TSNAX: variants seen among roughly 807,000 people sequenced by gnomAD.
TSNAX encodes translin-associated protein X.
In TSNAX, 12 loss-of-function variants were observed where a neutral mutation model predicts 33.0. The ratio of observed to expected loss-of-function variants is 0.36; its 90% CI spans 0.23 to 0.59. TSNAX has a LOEUF of 0.59. TSNAX is among the 20% of genes least tolerant of loss of function. TSNAX has a pLI of 0.74. For missense variants in TSNAX, 267 were observed against 341.3 expected, an observed-to-expected ratio of 0.78 and a Z score of 1.72; for synonymous variants, 110 against 117.2, an observed-to-expected ratio of 0.94 and a Z score of 0.40.
At chr1:231,539,598 A>G (rs886261787) in intron 3 of TSNAX, among the ~76,000 whole-genome samples, 2 of 152,210 alleles carry the variant, frequency 1.3e-5, no homozygotes, top group African/African-American at 2.4e-5. Context: ...TTTTCCACCA[A>G]AAAATAAATG....
intron 4 of TSNAX, among the ~76,000 whole-genome samples, chr1:231,549,158 A>G (rs1294398151): frequency 6.6e-6 from 1 of 152,142 alleles, no homozygotes; most frequent in African/African-American, 2.4e-5. Context: ...GAGACTGGAG[A>G]TTTAAGAATG....
At chr1:231,542,673 G>T in intron 4 of TSNAX, 62 bp downstream of exon 4, 2 of 1,522,190 alleles carry the variant, frequency 1.3e-6, no homozygotes, top group Non-Finnish European at 8.9e-7. Flanking sequence ...TGATTAACAT[G>T]TGAGTTGCAT....
In TSNAX at chr1:231,528,716, G is replaced by C; in HGVS notation, c.-95G>C. 6.7e-7 allele frequency: 1 copy of C among 1,484,334 alleles called. No individual in the cohort carries two copies. Among genetic ancestry groups the C allele is most frequent in the Non-Finnish European group, 9.4e-7 (1 of 1,067,582 alleles). The allele number at this position is 1,484,334 out of a possible 1,614,324, so 91.9% of individuals were successfully genotyped here. The stretch of plus-strand genomic sequence containing the variant: ...CCCGGCTGCAAAGCGTTTTTCTGCA[G>C]GCTGTTTTCCCAGGTTCCCTCGGCC... On this transcript the variant is annotated 5_prime_UTR_variant, in exon 1 of 6. Coordinates refer to ENST00000366639, the MANE Select transcript of TSNAX (RefSeq NM_005999.3).
chr1:231,533,236 C>T (rs762596061), intron 2 of TSNAX, among the ~76,000 whole-genome samples: 4 of 152,008 alleles, frequency 2.6e-5, no homozygotes, highest in Admixed American at 2.0e-4. Context: ...GTAGCTGGGA[C>T]GACAGGCCTG....
At chr1:231,554,349 G>A (rs2124930900) in intron 4 of TSNAX, among the ~76,000 whole-genome samples, 1 of 152,252 alleles carries the variant, frequency 6.6e-6, no homozygotes, top group African/African-American at 2.4e-5. Context: ...CCTTGGTGAG[G>A]AGAAACAGAT....
Position 231,543,185 on chromosome 1 carries a change from A to C in TSNAX, c.367+574A>C, listed in dbSNP as rs1572117168. 2.6e-5 allele frequency among the ~76,000 whole-genome samples: 4 copies of C among 152,090 alleles called. No homozygotes were observed. In the South Asian group the frequency reaches 8.3e-4, roughly 32 times the overall value. ...AGCACAAGACTCCGTCTCAAAAAAA[A>C]AAAATTTTGAGGGTATACTGGATCT... On this transcript the variant is annotated intron_variant, in intron 4 of 5. Transcript: ENST00000366639.
intron 2 of TSNAX, chr1:231,534,599 TAGC>T (rs1250908966): frequency 5.9e-5 from 9 of 152,338 alleles, no homozygotes; most frequent in East Asian, 5.8e-4. Context: ...GAAAAAGTAA[TAGC>T]AGCAAAATAA....
intron 2 of TSNAX, among the ~76,000 whole-genome samples, chr1:231,531,967 G>A (rs1265538718): frequency 1.3e-5 from 2 of 151,904 alleles, no homozygotes; most frequent in African/African-American, 2.4e-5. Context: ...CTACTCCGGA[G>A]GGGCTGGGGC....
At chr1:231,555,709 T>C (rs1225017288) in intron 4 of TSNAX, among the ~76,000 whole-genome samples, 2 of 152,222 alleles carry the variant, frequency 1.3e-5, no homozygotes, top group Non-Finnish European at 2.9e-5. Context: ...TATTGCTTAC[T>C]GTATTGCAGT....
chr1:231,564,425 A>G, intron 5 of TSNAX, 103 bp from the exon 6 acceptor site: 1 of 1,486,110 alleles, frequency 6.7e-7, no homozygotes, highest in Non-Finnish European at 8.9e-7. Context: ...TTGATTTTGT[A>G]CTTCTATAAT....
At position 231,565,071 on chromosome 1, in the gene TSNAX, A is replaced by AGGCCGGGCGCGGTGGCTCACGCCTGT; in HGVS notation, c.*166_*167insGGCCGGGCGCGGTGGCTCACGCCTGT. 1.2e-6 allele frequency: 1 copy of AGGCCGGGCGCGGTGGCTCACGCCTGT among 845,682 alleles called. No individual in the cohort carries two copies. The highest frequency in any genetic ancestry group is 2.0e-5 in the South Asian group (1 of 50,160). The allele number at this position is 845,682 out of a possible 1,614,324, so 52.4% of individuals were successfully genotyped here. ...AGCTGTACATAAAATTAGCCAAATGAATCATTTCTTATATCTTATTCATGA... is the reference window on the plus strand; with the variant it reads ...AGCTGTACATAAAATTAGCCAAATGAGGCCGGGCGCGGTGGCTCACGCCTGTATCATTTCTTATATCTTATTCATGA... On this transcript the variant is annotated 3_prime_UTR_variant, in exon 6 of 6. Coordinates refer to ENST00000366639, the MANE Select transcript of TSNAX (RefSeq NM_005999.3).
chr1:231,533,393 G>T (rs1427691762), intron 2 of TSNAX, among the ~76,000 whole-genome samples: 1 of 152,150 alleles, frequency 6.6e-6, no homozygotes, highest in Non-Finnish European at 1.5e-5. Flanking sequence ...GAGCCATCGC[G>T]CCCGGCCCGG....
intron 2 of TSNAX, among the ~76,000 whole-genome samples, chr1:231,532,846 C>T (rs1462602739): frequency 2.0e-5 from 3 of 152,056 alleles, no homozygotes; most frequent in African/African-American, 7.2e-5. Context: ...TGATTTTATT[C>T]TCTTCATTTT....
At chr1:231,561,992 A>G (rs1457084607) in intron 5 of TSNAX, among the ~76,000 whole-genome samples, 1 of 152,170 alleles carries the variant, frequency 6.6e-6, no homozygotes, top group African/African-American at 2.4e-5. Flanking sequence ...GCTTTTCTGA[A>G]TTAAGAAAAA....
chr1:231,541,402 A>C (rs1659564407), intron 3 of TSNAX, among the ~76,000 whole-genome samples: 1 of 152,236 alleles, frequency 6.6e-6, no homozygotes. Context: ...GTTTCAGTTA[A>C]CACAGTACCA....
At chr1:231,557,327 A>G (rs1008006748) in intron 4 of TSNAX, among the ~76,000 whole-genome samples, 3 of 152,164 alleles carry the variant, frequency 2.0e-5, no homozygotes, top group Non-Finnish European at 4.4e-5. Context: ...GGAAATCAGG[A>G]GATGATGCTG....
intron 4 of TSNAX, among the ~76,000 whole-genome samples, chr1:231,558,587 G>A (rs1253310292): frequency 6.6e-6 from 1 of 152,130 alleles, no homozygotes; most frequent in East Asian, 1.9e-4. Flanking sequence ...TTCTTGTTTA[G>A]CTCATAAGAG....
At chr1:231,530,729 G>A (rs1222378487) in intron 2 of TSNAX, among the ~76,000 whole-genome samples, 2 of 142,680 alleles carry the variant, frequency 1.4e-5, no homozygotes, top group East Asian at 2.1e-4. Flanking sequence ...AAAAAAAAAA[G>A]TACGAAAAAT....
chr1:231,563,564 C>T (rs1027703035), intron 5 of TSNAX: 1 of 154,486 alleles, frequency 6.5e-6, no homozygotes, highest in Admixed American at 6.6e-5. Context: ...GGGTCAAGGT[C>T]ATTTGGAAGA....
Sources: gnomAD v4.1 joint callset for allele counts (sites outside exome capture counted in the v4.1 genomes callset) on GRCh38, gnomAD v4.1.1 for gene constraint, MANE v1.5 for transcripts, NCBI Gene and HGNC (gene_info 2026-07-23, HGNC 2026-07-21) for gene names.